Variants in LRRC7 observed in about 807,000 individuals in gnomAD.
LRRC7 encodes leucine-rich repeat-containing protein 7.
Under a neutral mutation model 175.7 loss-of-function variants are expected in LRRC7, and 23 were observed. That is an observed-to-expected ratio of 0.13 (90% CI 0.09 to 0.19). LRRC7 has a LOEUF of 0.19. Among genes scored for constraint, LRRC7 ranks in the 10% least tolerant of loss-of-function variants. The probability of loss-of-function intolerance (pLI) is 1.00; values close to 1 mark genes in which losing one functional copy is unlikely to be tolerated. For synonymous variants in LRRC7, 685 were observed against 680.9 expected, an observed-to-expected ratio of 1.01 and a Z score of -0.09; for missense variants, 1,354 against 1,904.7, an observed-to-expected ratio of 0.71 and a Z score of 5.38.
chr1:70,051,024 G>A (rs187508969), intron 22 of LRRC7, among the ~76,000 whole-genome samples: 1 of 152,048 alleles, frequency 6.6e-6, no homozygotes, highest in Non-Finnish European at 1.5e-5. Flanking sequence ...GAGACTTGGT[G>A]TGATTGTTAA....
intron 4 of LRRC7, among the ~76,000 whole-genome samples, chr1:69,804,813 G>A (rs1166325882): frequency 6.6e-6 from 1 of 151,648 alleles, no homozygotes; most frequent in African/African-American, 2.4e-5. Flanking sequence ...TTCTAAATAA[G>A]TAGTCCATGC....
intron 10 of LRRC7, among the ~76,000 whole-genome samples, chr1:69,989,209 T>C (rs956619575): frequency 6.6e-6 from 1 of 152,064 alleles, no homozygotes; most frequent in African/African-American, 2.4e-5. Context: ...TTAAAAATCC[T>C]GAAAATGAAA....
At chr1:70,047,787 A>G (rs548938413) in intron 22 of LRRC7, among the ~76,000 whole-genome samples, 148 of 152,132 alleles carry the variant, frequency 9.7e-4, no homozygotes, top group African/African-American at 3.4e-3. Context: ...TCTTTCAGAT[A>G]TTAAGAAAAT....
At chr1:69,586,663 T>C (rs1646415554) in intron 1 of LRRC7, among the ~76,000 whole-genome samples, 1 of 152,170 alleles carries the variant, frequency 6.6e-6, no homozygotes. Flanking sequence ...AATTGAAGAA[T>C]GAAATAAATC....
intron 8 of LRRC7, among the ~76,000 whole-genome samples, chr1:69,979,666 C>G (rs1239169427): frequency 6.6e-6 from 1 of 151,998 alleles, no homozygotes; most frequent in African/African-American, 2.4e-5. Context: ...TTGTACATTA[C>G]ATGTAGTAGG....
intron 7 of LRRC7, among the ~76,000 whole-genome samples, chr1:69,877,138 G>A (rs892844247): frequency 6.6e-6 from 1 of 152,174 alleles, no homozygotes; most frequent in Non-Finnish European, 1.5e-5. Context: ...AAACTGTGAA[G>A]GGGCTCTCAT....
intron 4 of LRRC7, among the ~76,000 whole-genome samples, chr1:69,816,143 C>T (rs553857282): frequency 6.6e-6 from 1 of 151,952 alleles, no homozygotes; most frequent in East Asian, 1.9e-4. Context: ...ACACCCAGCT[C>T]ATTTTTGTAC....
At chr1:69,761,357 A>G (rs1035665826) in intron 3 of LRRC7, among the ~76,000 whole-genome samples, 2 of 152,084 alleles carry the variant, frequency 1.3e-5, no homozygotes, top group Non-Finnish European at 2.9e-5. Context: ...TCAGAATCTG[A>G]TATTTCAATA....
chr1:69,625,724 T>A (rs1651410053), intron 1 of LRRC7, among the ~76,000 whole-genome samples: 1 of 152,106 alleles, frequency 6.6e-6, no homozygotes, highest in Non-Finnish European at 1.5e-5. Context: ...TTCAAAAATA[T>A]GTTTTAATTT....
chr1:69,596,732 C>T (rs1646861790), intron 1 of LRRC7, among the ~76,000 whole-genome samples: 1 of 152,180 alleles, frequency 6.6e-6, no homozygotes, highest in South Asian at 2.1e-4. Flanking sequence ...TTAAACATTT[C>T]CTTGTACCTA....
At chr1:69,796,011 C>T (rs1246605284) in intron 4 of LRRC7, among the ~76,000 whole-genome samples, 1 of 150,854 alleles carries the variant, frequency 6.6e-6, no homozygotes, top group Admixed American at 6.6e-5. Flanking sequence ...GCACAACGTG[C>T]AGGTTTTGTT....
intron 8 of LRRC7, among the ~76,000 whole-genome samples, chr1:69,938,291 C>T (rs1006262292): frequency 2.0e-5 from 3 of 151,918 alleles, no homozygotes; most frequent in African/African-American, 7.2e-5. Flanking sequence ...TATTAGAAGA[C>T]TTGTATTCTA....
At chr1:69,881,687 G>A (rs1233571122) in intron 7 of LRRC7, among the ~76,000 whole-genome samples, 1 of 150,702 alleles carries the variant, frequency 6.6e-6, no homozygotes, top group Non-Finnish European at 1.5e-5. Flanking sequence ...GACTAGTCTG[G>A]GCAACATAGT....
At chr1:69,867,327 G>A (rs1006630509) in intron 7 of LRRC7, among the ~76,000 whole-genome samples, 4 of 152,152 alleles carry the variant, frequency 2.6e-5, no homozygotes, top group Non-Finnish European at 4.4e-5. Flanking sequence ...TTTCTGAGAA[G>A]CACTGATGTA....
At chr1:69,989,785 G>T (rs186591227) in intron 10 of LRRC7, among the ~76,000 whole-genome samples, 2 of 152,162 alleles carry the variant, frequency 1.3e-5, no homozygotes, top group East Asian at 3.9e-4. Context: ...CATAATAAAT[G>T]CATACACATA....
chr1:69,868,998 C>A (rs1038951162), intron 7 of LRRC7, among the ~76,000 whole-genome samples: 1 of 151,670 alleles, frequency 6.6e-6, no homozygotes, highest in Non-Finnish European at 1.5e-5. Flanking sequence ...ACCCTAGTGA[C>A]CTCATTTTAA....
intron 22 of LRRC7, among the ~76,000 whole-genome samples, chr1:70,050,770 A>G (rs1186536902): frequency 6.6e-6 from 1 of 152,022 alleles, no homozygotes; most frequent in Non-Finnish European, 1.5e-5. Context: ...TATGCACATG[A>G]TTCTCTTTTT....
chr1:69,965,486 A>G (rs922232839), intron 8 of LRRC7, among the ~76,000 whole-genome samples: 1 of 152,182 alleles, frequency 6.6e-6, no homozygotes, highest in Admixed American at 6.5e-5. Context: ...TTATAAATCA[A>G]TCACATCTTA....
In LRRC7 at chr1:69,912,264, T is replaced by G. The variant is rs1646554930; in HGVS notation, c.648-19243T>G. 2.0e-5 allele frequency among the ~76,000 whole-genome samples: 3 copies of G among 152,288 alleles called. No individual in the cohort carries two copies. In the South Asian group the frequency reaches 6.2e-4, roughly 32 times the overall value. On this transcript the variant is annotated intron_variant, in intron 7 of 26. Transcript: ENST00000651989. ...AATGAGCCTGACACATTGTGTGTCC[T>G]TGTATATGCACACATGCATATGTAT...
Sources: allele counts gnomAD v4.1 joint callset (sites outside exome capture counted in the v4.1 genomes callset), GRCh38; gene constraint gnomAD v4.1.1; transcripts MANE v1.5; gene names NCBI Gene and HGNC (gene_info 2026-07-23, HGNC 2026-07-21).